Variants in CDC45 observed in about 807,000 individuals in gnomAD.
CDC45 encodes the protein cell division cycle 45.
In CDC45, 54 loss-of-function variants were observed where a neutral mutation model predicts 77.8. That is an observed-to-expected ratio of 0.69 (90% confidence interval 0.56 to 0.87). The LOEUF is 0.87. Ranked by LOEUF, CDC45 falls within the 40% of genes least tolerant of loss-of-function variation. The pLI is 0.00. For synonymous variants in CDC45, 260 were observed against 272.1 expected, an observed-to-expected ratio of 0.96 and a Z score of 0.44; for missense variants, 649 against 721.6, an observed-to-expected ratio of 0.90 and a Z score of 1.15.
chr22:19,483,953 G>A lies in CDC45; in HGVS notation c.434G>A (p.Gly145Glu). The A allele has an allele frequency of 1.2e-6, 2 of 1,613,878 alleles. No homozygotes were observed. Among genetic ancestry groups the A allele is most frequent in the Non-Finnish European group, 8.5e-7 (1 of 1,179,980 alleles). Residue 145 changes from glycine to glutamate, a missense_variant, in exon 5 of 19, where the codon GGA becomes GAA. Gly to Glu is a moderately conservative substitution (Grantham distance 98). Coordinates refer to ENST00000263201, the MANE Select transcript of CDC45 (RefSeq NM_003504.5). Reference protein sequence around the residue: ...RDEEEDEEHSGNDSDGSEPSE... With the variant: ...RDEEEDEEHSENDSDGSEPSE... ...GAAGAGGAGGATGAAGAGCATTCAGGAAATGACAGTGATGGGTCAGAGCCT... is the reference window on the plus strand; with the variant it reads ...GAAGAGGAGGATGAAGAGCATTCAGAAAATGACAGTGATGGGTCAGAGCCT...
chr22:19,513,496 C>T (rs151128301), intron 13 of CDC45, among the ~76,000 whole-genome samples: 39 of 152,208 alleles, frequency 2.6e-4, no homozygotes, highest in African/African-American at 8.9e-4. Context: ...AAACTCCTTC[C>T]AGCTGTTTTT....
intron 5 of CDC45, among the ~76,000 whole-genome samples, chr22:19,492,165 G>A (rs1391061657): frequency 1.3e-5 from 2 of 151,970 alleles, no homozygotes. Flanking sequence ...TGTTTTCAGT[G>A]CACCCTCTTT....
At chr22:19,508,150 G>A (rs754717815) in intron 12 of CDC45, among the ~76,000 whole-genome samples, 7 of 152,064 alleles carry the variant, frequency 4.6e-5, no homozygotes, top group Non-Finnish European at 8.8e-5. Context: ...CTGTGAGGTC[G>A]ACCCCAGTCT....
chr22:19,502,276 C>G (rs1344198517), intron 9 of CDC45, among the ~76,000 whole-genome samples: 1 of 152,132 alleles, frequency 6.6e-6, no homozygotes, highest in Non-Finnish European at 1.5e-5. Context: ...TCAATAAACT[C>G]AGAAAAAAGA....
chr22:19,499,438 T>C (rs1437467651), intron 9 of CDC45, among the ~76,000 whole-genome samples: 1 of 152,054 alleles, frequency 6.6e-6, no homozygotes, highest in East Asian at 1.9e-4. Flanking sequence ...AGGGCCAGGC[T>C]TAGAGGCAGG....
At chr22:19,502,450 T>C (rs1055174206) in intron 9 of CDC45, among the ~76,000 whole-genome samples, 16 of 152,256 alleles carry the variant, frequency 1.1e-4, no homozygotes, top group Admixed American at 9.2e-4. Flanking sequence ...TTTGGTAGCA[T>C]GTAGGCACAA....
chr22:19,483,386 C>T (rs1324870073), intron 4 of CDC45, among the ~76,000 whole-genome samples: 2 of 152,052 alleles, frequency 1.3e-5, no homozygotes, highest in Non-Finnish European at 2.9e-5. Context: ...GAGCCGAGAT[C>T]GTGCCACTGC....
intron 6 of CDC45, 23 bp downstream of exon 6, chr22:19,494,405 T>G: frequency 6.2e-7 from 1 of 1,612,484 alleles, no homozygotes; most frequent in Non-Finnish European, 8.5e-7. Context: ...TTCCAGCTGC[T>G]CCCAGCACCA....
chr22:19,514,777 C>G lies in CDC45; in HGVS notation c.1246C>G (p.Leu416Val), dbSNP rs185103812. 2.5e-6 allele frequency: 4 copies of G among 1,613,532 alleles called. No homozygotes were observed. The Admixed American group carries it at 6.7e-5, about 27-fold the overall frequency. ...TAACCTGGACAAGCTGTACCATGGC[C>G]TGGAACTCGCCAAGAAGCAGCTGCG... Reference protein sequence around the residue: ...RSNLDKLYHGLELAKKQLRAT... With the variant: ...RSNLDKLYHGVELAKKQLRAT... The change falls in exon 14 of 19, where the codon CTG (leucine) becomes GTG (valine). Residue 416 changes from leucine (L) to valine (V), a missense_variant. Leu to Val is a conservative substitution (Grantham distance 32). Coordinates refer to ENST00000263201, the MANE Select transcript of CDC45 (RefSeq NM_003504.5).
chr22:19,511,926 T>G (rs967974874), intron 13 of CDC45, among the ~76,000 whole-genome samples: 8 of 150,984 alleles, frequency 5.3e-5, no homozygotes, highest in Admixed American at 2.0e-4. Flanking sequence ...AGGTTTTTTT[T>G]TTTTTTTTTT....
chr22:19,507,874 C>T lies in CDC45; in HGVS notation c.1055+10C>T, dbSNP rs1320778529. 2 of 1,551,856 alleles carry T rather than the reference C, an allele frequency of 1.3e-6. No homozygotes were observed. Among genetic ancestry groups the T allele is most frequent in the Non-Finnish European group, 1.8e-6 (2 of 1,130,642 alleles). ...CTGCAAATAAATTTGGGTAAACACA[C>T]ATTTTTCTGGATTTATCTTCATTAC... On this transcript the variant is annotated intron_variant, in intron 12 of 18. Transcript: ENST00000263201.
chr22:19,501,393 G>A (rs542639995), intron 9 of CDC45, among the ~76,000 whole-genome samples: 10 of 152,130 alleles, frequency 6.6e-5, no homozygotes, highest in African/African-American at 2.4e-4. Context: ...TAAACTGCTC[G>A]CAGCAAAGAC....
intron 12 of CDC45, among the ~76,000 whole-genome samples, chr22:19,508,216 G>A (rs2146416755): frequency 6.6e-6 from 1 of 152,238 alleles, no homozygotes; most frequent in African/African-American, 2.4e-5. Flanking sequence ...AACTCTGCCC[G>A]ACCAAGTCCA....
chr22:19,514,887 G>A lies in CDC45; in HGVS notation c.1356G>A (p.Glu452=). The A allele has an allele frequency of 1.2e-6, 2 of 1,614,236 alleles. No homozygotes were observed. The highest frequency in any genetic ancestry group is 8.5e-7 in the Non-Finnish European group (1 of 1,180,056). The change falls in exon 14 of 19, where the codon GAG becomes GAA. Residue 452 remains glutamate, a splice_region_variant and synonymous_variant. Coordinates refer to ENST00000263201, the MANE Select transcript of CDC45 (RefSeq NM_003504.5). ...CTTTCCTGTACTGCTCTCTCATGGA[G>A]GTCAGGCTTCCCACAGAGCACAGGC... ...QGPFLYCSLM[E]GTPDVMLFSR...
intron 17 of CDC45, among the ~76,000 whole-genome samples, chr22:19,518,243 G>T (rs200363986): frequency 1.2e-3 from 190 of 152,312 alleles, no homozygotes; most frequent in Non-Finnish European, 2.1e-3. Flanking sequence ...TGCAGAGTGG[G>T]CCATGTCTAG....
At chr22:19,518,978 C>G (rs1933958945) in intron 18 of CDC45, 69 bp downstream of exon 18, 1 of 1,162,580 alleles carries the variant, frequency 8.6e-7, no homozygotes, top group East Asian at 2.3e-5. Context: ...ATGCCCTGCT[C>G]TGTCCTCCCT....
intron 3 of CDC45, 128 bp from the exon 4 acceptor site, chr22:19,482,554 TGGAGTCCC>T: frequency 1.2e-6 from 1 of 865,438 alleles, no homozygotes; most frequent in Admixed American, 2.7e-5. Context: ...GGCCATTTTT[TGGAGTCCC>T]TTGCCACGTG....
At position 19,494,376 on chromosome 22, in the gene CDC45, C is replaced by A. The variant is rs765230795; in HGVS notation, c.536C>A (p.Ala179Asp). ...AGGAGGCAGCGGCGAGAGTGGGAGG[C>A]CCGGAGGTGAGTCTGTGCTTCCAGC... ...MRRRQRREWEARRRDILFDYE... is the reference protein window; with the variant it reads ...MRRRQRREWEDRRRDILFDYE... Residue 179 changes from alanine to aspartate, a missense_variant, in exon 6 of 19, where the codon GCC becomes GAC. By Grantham distance (126) the Ala-to-Asp change is moderately radical (BLOSUM62 -2). Transcript: ENST00000263201. 5.0e-6 allele frequency: 8 copies of A among 1,613,298 alleles called. No individual in the cohort carries two copies. In the African/African-American group the frequency reaches 9.3e-5, roughly 19 times the overall value.
intron 6 of CDC45, 97 bp downstream of exon 6, chr22:19,494,479 T>C (rs759430493): frequency 6.4e-7 from 1 of 1,565,424 alleles, no homozygotes; most frequent in Non-Finnish European, 8.7e-7. Context: ...CTCAGGATAA[T>C]TTATTGAGTT....
Sources: gnomAD v4.1 joint callset for allele counts (sites outside exome capture counted in the v4.1 genomes callset) on GRCh38, gnomAD v4.1.1 for gene constraint, MANE v1.5 for transcripts, NCBI Gene and HGNC (gene_info 2026-07-23, HGNC 2026-07-21) for gene names.